ERBB4: variants seen among roughly 807,000 people sequenced by gnomAD.
The protein encoded by ERBB4 is receptor tyrosine-protein kinase erbB-4.
In ERBB4, 42 loss-of-function variants were observed where a neutral mutation model predicts 158.0. The ratio of observed to expected loss-of-function variants is 0.27; its 90% CI spans 0.21 to 0.34. The LOEUF (loss-of-function observed/expected upper bound fraction) is 0.34. ERBB4 is among the 10% of genes least tolerant of loss of function. The probability of loss-of-function intolerance (pLI) is 1.00; values close to 1 mark genes in which losing one functional copy is unlikely to be tolerated. For missense variants in ERBB4, 1,333 were observed against 1,624.1 expected (o/e 0.82, Z 3.08); for synonymous variants, 583 against 558.7 (o/e 1.04, Z -0.61).
At chr2:212,466,395 A>G (rs13401008) in intron 1 of ERBB4, among the ~76,000 whole-genome samples, 23,475 of 152,198 alleles carry the variant, frequency 0.15, 1,983 homozygotes, top group African/African-American at 0.2. Context: ...ATCTTCTTGT[A>G]GCTTCCAAAA....
chr2:212,277,117 A>G (rs2106136943), intron 1 of ERBB4, among the ~76,000 whole-genome samples: 1 of 151,900 alleles, frequency 6.6e-6, no homozygotes, highest in African/African-American at 2.4e-5. Flanking sequence ...GAGAATAGTC[A>G]GCAAGCTAGG....
At chr2:212,201,552 T>C (rs1350314159) in intron 1 of ERBB4, among the ~76,000 whole-genome samples, 1 of 152,212 alleles carries the variant, frequency 6.6e-6, no homozygotes, top group African/African-American at 2.4e-5. Context: ...TTTTCTCTAA[T>C]GTTCTTTAAA....
At chr2:211,475,232 T>A (rs1487241948) in intron 20 of ERBB4, among the ~76,000 whole-genome samples, 1 of 152,112 alleles carries the variant, frequency 6.6e-6, no homozygotes, top group African/African-American at 2.4e-5. Context: ...AGTTTTTATA[T>A]AGAGGGATAA....
intron 3 of ERBB4, among the ~76,000 whole-genome samples, chr2:211,865,437 T>C (rs192945922): frequency 3.8e-3 from 584 of 152,236 alleles, no homozygotes; most frequent in African/African-American, 0.013. Context: ...TCATGTGATA[T>C]TCTGTGATAT....
At chr2:212,063,300 T>C (rs2077836656) in intron 2 of ERBB4, among the ~76,000 whole-genome samples, 1 of 152,116 alleles carries the variant, frequency 6.6e-6, no homozygotes, top group Non-Finnish European at 1.5e-5. Context: ...AGCATAAGAA[T>C]AAACAGGTCC....
At chr2:211,800,685 T>C (rs1445534901) in intron 3 of ERBB4, among the ~76,000 whole-genome samples, 1 of 149,408 alleles carries the variant, frequency 6.7e-6, no homozygotes, top group Non-Finnish European at 1.5e-5. Context: ...AAAAAACCTC[T>C]TGGCTCTGGT....
Position 211,753,279 on chromosome 2 carries a change from G to GAA in ERBB4, c.557-2577_557-2576dup, listed in dbSNP as rs34015788. Among the ~76,000 whole-genome samples, 741 of 147,508 alleles carry GAA rather than the reference G, an allele frequency of 5.0e-3. 8 individuals are homozygous for GAA. The highest frequency in any genetic ancestry group is 0.013 in the African/African-American group (527 of 40,154). On this transcript the variant is annotated intron_variant, in intron 4 of 27. Coordinates refer to ENST00000342788, the MANE Select transcript of ERBB4 (RefSeq NM_005235.3). ...CCATAGTAATTATCTGCCTAGCATA[G>GAA]AAAAAAAAAAACAAAATTTCCTATA...
intron 1 of ERBB4, among the ~76,000 whole-genome samples, chr2:212,383,992 T>C (rs549413833): frequency 1.5e-4 from 23 of 151,780 alleles, no homozygotes; most frequent in African/African-American, 5.3e-4. Context: ...TGTGCACGAA[T>C]TTTTATAAAT....
intron 14 of ERBB4, among the ~76,000 whole-genome samples, chr2:211,671,532 G>A (rs1031259665): frequency 4.6e-5 from 7 of 152,106 alleles, no homozygotes; most frequent in Non-Finnish European, 1.0e-4. Flanking sequence ...GAAACATTAG[G>A]CAAGTTTTGG....
Position 211,638,395 on chromosome 2 carries a change from C to T in ERBB4, c.1947-7801G>A, listed in dbSNP as rs1001358786. 4.5e-4 allele frequency among the ~76,000 whole-genome samples: 68 copies of T among 152,258 alleles called. 1 individual carries two copies. The highest frequency in any genetic ancestry group is 1.6e-3 in the African/African-American group (67 of 41,580). ...CTACATTAAGGGAGTTCTTTTTCTC[C>T]TACAAGTAGTGCTTATTCTGACCCA... is the stretch of plus-strand genomic sequence containing the variant. On this transcript the variant is annotated intron_variant, in intron 16 of 27. Coordinates refer to ENST00000342788, the MANE Select transcript of ERBB4 (RefSeq NM_005235.3).
rs2062577998 is a variant in ERBB4, at chr2:211,381,832, A to AT, written c.*1782dup. The AT allele has an allele frequency of 4.4e-6, 1 of 228,558 alleles. No homozygotes were observed. The highest frequency in any genetic ancestry group is 2.2e-5 in the African/African-American group (1 of 45,104). The allele number at this position is 228,558 out of a possible 1,614,324, so 14.2% of individuals were successfully genotyped here. A position where few individuals can be genotyped will look rare whatever the true frequency, so the allele number is the denominator to read the frequency against. ...GTCCCAATATTTTAACATTAGAAAT[A>AT]TTTTTTAAAAATCTAAATGACTTGG... On this transcript the variant is annotated 3_prime_UTR_variant, in exon 28 of 28. Coordinates refer to ENST00000342788, the MANE Select transcript of ERBB4 (RefSeq NM_005235.3).
chr2:212,186,573 T>A lies in ERBB4; in HGVS notation c.83-61670A>T, dbSNP rs73987280. Among the ~76,000 whole-genome samples, 506 of 152,248 alleles carry A rather than the reference T, an allele frequency of 3.3e-3. 1 individual carries two copies. The highest frequency in any genetic ancestry group is 0.011 in the African/African-American group (472 of 41,560). ...GATTTTAACCAAATTTTACTCAACC[T>A]ACCCACCCTGGAGCAAAAGACTGTC... On this transcript the variant is annotated intron_variant, in intron 1 of 27. Transcript: ENST00000342788.
chr2:212,305,225 C>T (rs1035547607), intron 1 of ERBB4, among the ~76,000 whole-genome samples: 5 of 151,198 alleles, frequency 3.3e-5, no homozygotes, highest in African/African-American at 4.8e-5. Context: ...TTACTCTTTT[C>T]GGAGAGCCAG....
chr2:211,745,219 T>TG (rs1337645960), intron 5 of ERBB4, among the ~76,000 whole-genome samples: 1 of 152,164 alleles, frequency 6.6e-6, no homozygotes, highest in Non-Finnish European at 1.5e-5. Flanking sequence ...TACAACTGTA[T>TG]GGGGTCTCTG....
chr2:211,732,621 G>C (rs1196405977), intron 5 of ERBB4, among the ~76,000 whole-genome samples: 2 of 152,070 alleles, frequency 1.3e-5, no homozygotes, highest in Admixed American at 6.6e-5. Flanking sequence ...ATAGCAAATA[G>C]CTGTACAGTC....
intron 2 of ERBB4, among the ~76,000 whole-genome samples, chr2:211,950,786 G>T (rs560703976): frequency 6.6e-6 from 1 of 152,172 alleles, no homozygotes; most frequent in East Asian, 1.9e-4. Context: ...AAAGAGGGGT[G>T]AAACTCAGCA....
intron 1 of ERBB4, among the ~76,000 whole-genome samples, chr2:212,416,842 C>G (rs1029841252): frequency 6.6e-6 from 1 of 152,032 alleles, no homozygotes; most frequent in Admixed American, 6.6e-5. Context: ...CTTGACTAAT[C>G]CACAAGATAA....
chr2:212,363,543 A>G (rs2089772787), intron 1 of ERBB4, among the ~76,000 whole-genome samples: 1 of 151,488 alleles, frequency 6.6e-6, no homozygotes, highest in African/African-American at 2.4e-5. Context: ...TCCAACTTAG[A>G]CACTTAGATA....
In ERBB4 at chr2:211,628,414, C is replaced by T. The variant is rs566257385; in HGVS notation, c.2079+2048G>A. Among the ~76,000 whole-genome samples, 220 of 152,176 alleles carry T rather than the reference C, an allele frequency of 1.4e-3. 2 individuals are homozygous for T. Among genetic ancestry groups the T allele is most frequent in the African/African-American group, 4.6e-3 (190 of 41,514 alleles). On this transcript the variant is annotated intron_variant, in intron 17 of 27. Transcript: ENST00000342788. ...ATTCCCACCTATGAGTGAGAACATG[C>T]GGTGTTTGGTTTTATTGTCCTTGCG... is the stretch of plus-strand genomic sequence containing the variant.
Sources: gnomAD v4.1 joint callset for allele counts (sites outside exome capture counted in the v4.1 genomes callset) on GRCh38, gnomAD v4.1.1 for gene constraint, MANE v1.5 for transcripts, NCBI Gene and HGNC (gene_info 2026-07-23, HGNC 2026-07-21) for gene names.